Variants in FILIP1 observed in about 807,000 individuals in gnomAD.
FILIP1 encodes filamin-A-interacting protein 1.
A neutral mutation model predicts 102.1 loss-of-function variants in FILIP1; 61 were observed. The observed-to-expected ratio is 0.60, with a 90% CI of 0.49 to 0.74. The LOEUF is 0.74. Ranked by LOEUF, FILIP1 falls within the 30% of genes least tolerant of loss-of-function variation. FILIP1 has a pLI of 0.00. For synonymous variants in FILIP1, 491 were observed against 526.9 expected (o/e 0.93, Z 0.93); for missense variants, 1,314 against 1,441.2 (o/e 0.91, Z 1.43).
intron 1 of FILIP1, among the ~76,000 whole-genome samples, chr6:75,451,706 C>T (rs1227263097): frequency 6.6e-6 from 1 of 151,986 alleles, no homozygotes; most frequent in African/African-American, 2.4e-5. Flanking sequence ...TGGTGTGCAG[C>T]ACCTGCAGTC....
At chr6:75,369,109 T>G (rs2951945) in intron 2 of FILIP1, among the ~76,000 whole-genome samples, 112,111 of 152,046 alleles carry the variant, frequency 0.74, 41,766 homozygotes, top group African/African-American at 0.85. Flanking sequence ...CCAGGGACTT[T>G]GTTGCCTCAG....
In FILIP1 at chr6:75,393,745, G is replaced by A. The variant is rs75025874; in HGVS notation, c.276+20952C>T. On this transcript the variant is annotated intron_variant, in intron 2 of 5. Transcript: ENST00000237172. ...ACCATTTATATCTATTCTACTCTGT[G>A]ATACTAAGCCTGAGATTCTGCAAAT... is the stretch of plus-strand genomic sequence containing the variant. 7.4e-3 allele frequency among the ~76,000 whole-genome samples: 1,120 copies of A among 152,284 alleles called. 36 individuals carry two copies. In the East Asian group the frequency reaches 0.11, roughly 14 times the overall value.
At chr6:75,362,295 C>T (rs1027224459) in intron 3 of FILIP1, among the ~76,000 whole-genome samples, 1 of 152,192 alleles carries the variant, frequency 6.6e-6, no homozygotes, top group African/African-American at 2.4e-5. Flanking sequence ...TAGCCACTCA[C>T]ATTAGATCAT....
chr6:75,483,232 C>T (rs915918237), intron 1 of FILIP1, among the ~76,000 whole-genome samples: 1 of 152,188 alleles, frequency 6.6e-6, no homozygotes, highest in African/African-American at 2.4e-5. Context: ...CTTCGGAGTA[C>T]ATTAACACAC....
At chr6:75,400,590 A>C (rs1329310002) in intron 2 of FILIP1, among the ~76,000 whole-genome samples, 3 of 152,164 alleles carry the variant, frequency 2.0e-5, no homozygotes, top group Non-Finnish European at 4.4e-5. Flanking sequence ...TATTCCCTAG[A>C]GGGTAGGGAC....
chr6:75,445,846 T>A (rs1023258847), intron 1 of FILIP1, among the ~76,000 whole-genome samples: 1 of 152,122 alleles, frequency 6.6e-6, no homozygotes, highest in Non-Finnish European at 1.5e-5. Flanking sequence ...TTTATTCCTT[T>A]AGGACAGTAC....
chr6:75,324,591 C>T (rs1313882678), intron 4 of FILIP1, among the ~76,000 whole-genome samples: 1 of 152,010 alleles, frequency 6.6e-6, no homozygotes, highest in Non-Finnish European at 1.5e-5. Context: ...AAAAACAATC[C>T]TAAAATTTAT....
chr6:75,364,380 G>C (rs1480296764), intron 2 of FILIP1, among the ~76,000 whole-genome samples: 1 of 152,150 alleles, frequency 6.6e-6, no homozygotes, highest in South Asian at 2.1e-4. Context: ...CCCTGAGTCA[G>C]AGCACAGCTT....
chr6:75,410,358 C>T (rs1415373688), intron 2 of FILIP1, among the ~76,000 whole-genome samples: 3 of 151,942 alleles, frequency 2.0e-5, no homozygotes, highest in Non-Finnish European at 2.9e-5. Flanking sequence ...ATCTCTAGCC[C>T]GGCAAACCTA....
chr6:75,456,341 C>T (rs757302711), intron 1 of FILIP1, among the ~76,000 whole-genome samples: 1 of 152,162 alleles, frequency 6.6e-6, no homozygotes, highest in Non-Finnish European at 1.5e-5. Flanking sequence ...GAAGCAGTAT[C>T]TCCTCTCAAC....
intron 4 of FILIP1, among the ~76,000 whole-genome samples, chr6:75,325,643 T>C (rs941583316): frequency 5.9e-5 from 9 of 152,260 alleles, no homozygotes; most frequent in Middle Eastern, 3.4e-3. Flanking sequence ...GAAAAAATGC[T>C]CAACACCACT....
At chr6:75,464,363 T>A (rs1207228868) in intron 1 of FILIP1, among the ~76,000 whole-genome samples, 2 of 152,222 alleles carry the variant, frequency 1.3e-5, no homozygotes, top group African/African-American at 2.4e-5. Flanking sequence ...CCAGCATTTG[T>A]CCTAACATAG....
intron 6 of FILIP1, among the ~76,000 whole-genome samples, chr6:75,297,833 T>G (rs1772723952): frequency 1.3e-5 from 2 of 152,182 alleles, no homozygotes; most frequent in African/African-American, 4.8e-5. Context: ...AGATAAAGAG[T>G]GAAATCAGAA....
intron 4 of FILIP1, 72 bp downstream of exon 4, chr6:75,353,467 C>T: frequency 6.5e-7 from 1 of 1,541,178 alleles, no homozygotes; most frequent in Non-Finnish European, 8.9e-7. Context: ...AAAGACTGAT[C>T]CCTGAAGGGA....
At chr6:75,417,139 C>T (rs1777296298) in intron 1 of FILIP1, among the ~76,000 whole-genome samples, 1 of 152,006 alleles carries the variant, frequency 6.6e-6, no homozygotes, top group Non-Finnish European at 1.5e-5. Flanking sequence ...TATTCCCTTC[C>T]ACATTAATTC....
intron 6 of FILIP1, among the ~76,000 whole-genome samples, chr6:75,300,503 T>C (rs1462518990): frequency 6.6e-6 from 1 of 152,238 alleles, no homozygotes; most frequent in Non-Finnish European, 1.5e-5. Context: ...TCCTACATTC[T>C]ATTTACCTTT....
intron 1 of FILIP1, chr6:75,465,490 C>A: frequency 1.0e-6 from 1 of 972,194 alleles, no homozygotes; most frequent in South Asian, 1.4e-5. Flanking sequence ...CAAAGTTGTC[C>A]TGCAAGAGCT....
intron 1 of FILIP1, among the ~76,000 whole-genome samples, chr6:75,430,347 ATTTG>A (rs1340536193): frequency 2.0e-5 from 3 of 152,154 alleles, no homozygotes; most frequent in Non-Finnish European, 2.9e-5. Context: ...TGGTTTTCAA[ATTTG>A]TTTGACAGTT....
At position 75,314,439 on chromosome 6, in the gene FILIP1, C is replaced by G; in HGVS notation, c.1393G>C (p.Asp465His). The G allele has an allele frequency of 1.3e-6, 2 of 1,573,784 alleles. No individual in the cohort carries two copies. Among genetic ancestry groups the G allele is most frequent in the Non-Finnish European group, 1.7e-6 (2 of 1,166,182 alleles). Residue 465 changes from aspartate (D) to histidine (H), a missense_variant, in exon 5 of 6, where the codon GAC (aspartate) becomes CAC (histidine). Asp to His is a moderately conservative substitution (Grantham distance 81, BLOSUM62 -1). Around this residue, in one of 3 missense-constraint regions of FILIP1, gnomAD observed 816 missense variants for 913.1 expected, o/e 0.89. Transcript: ENST00000237172. ...NLEKEKNLTK[D>H]LLNELEVVKS... Reference sequence around the variant, plus strand: ...ACCACCTCCAATTCATTTAGCAGGTCTTTGGTTAAGTTCTTTTCTTTCTCC... The same window carrying G: ...ACCACCTCCAATTCATTTAGCAGGTGTTTGGTTAAGTTCTTTTCTTTCTCC...
Sources: gnomAD v4.1 joint callset for allele counts (sites outside exome capture counted in the v4.1 genomes callset) on GRCh38, gnomAD v4.1.1 for gene constraint, gnomAD v4.1.1 regional missense constraint, MANE v1.5 for transcripts, NCBI Gene and HGNC (gene_info 2026-07-23, HGNC 2026-07-21) for gene names.